The following GNAI3 variants were observed in gnomAD, a reference collection of about 807,000 sequenced individuals.
GNAI3 encodes G protein subunit alpha i3.
Under a neutral mutation model 41.8 loss-of-function variants are expected in GNAI3, and 12 were observed. The ratio of observed to expected loss-of-function variants is 0.29; its 90% CI spans 0.18 to 0.47. The LOEUF is 0.47. Ranked by LOEUF, GNAI3 falls within the 20% of genes least tolerant of loss-of-function variation. The pLI is 1.00. For synonymous variants in GNAI3, 132 were observed against 146.5 expected (o/e 0.90, Z 0.71); for missense variants, 360 against 429.6 (o/e 0.84, Z 1.43).
At chr1:109,590,483 A>G (rs1649145131) in intron 7 of GNAI3, among the ~76,000 whole-genome samples, 1 of 152,266 alleles carries the variant, frequency 6.6e-6, no homozygotes, top group East Asian at 1.9e-4. Flanking sequence ...TTTAATTTAC[A>G]GAGGTTGTTT....
chr1:109,578,470 CAA>C (rs35519193), intron 3 of GNAI3, among the ~76,000 whole-genome samples: 905 of 84,352 alleles, frequency 0.011, 6 homozygotes, highest in African/African-American at 0.033. Flanking sequence ...AACTCCGTCT[CAA>C]AAAAAAAAAA....
chr1:109,556,538 A>T (rs148863968), intron 1 of GNAI3, among the ~76,000 whole-genome samples: 114 of 152,304 alleles, frequency 7.5e-4, no homozygotes, highest in South Asian at 1.9e-3. Context: ...TGTTTTCTCT[A>T]CTTGAGATGG....
chr1:109,590,953 GC>G (rs1649157777), intron 7 of GNAI3, among the ~76,000 whole-genome samples: 1 of 152,100 alleles, frequency 6.6e-6, no homozygotes, highest in Non-Finnish European at 1.5e-5. Context: ...ACTGAAAATA[GC>G]CTGTAGTTTA....
chr1:109,571,417 C>T (rs905517157), intron 1 of GNAI3, among the ~76,000 whole-genome samples: 2 of 152,160 alleles, frequency 1.3e-5, no homozygotes, highest in Non-Finnish European at 2.9e-5. Context: ...TCAGTTCTGC[C>T]ACTTACTAAC....
intron 5 of GNAI3, 152 bp downstream of exon 5, chr1:109,582,717 T>C (rs1177671266): frequency 1.6e-5 from 8 of 507,676 alleles, no homozygotes; most frequent in African/African-American, 1.3e-4. Context: ...TTTAACTGAA[T>C]GGGGGCCCAA....
chr1:109,562,390 G>A (rs954200071), intron 1 of GNAI3, among the ~76,000 whole-genome samples: 9 of 152,104 alleles, frequency 5.9e-5, no homozygotes, highest in Admixed American at 3.3e-4. Flanking sequence ...GTATCCTAGG[G>A]GGGGTCCTGG....
At chr1:109,573,667 C>CAGGAAAA in intron 1 of GNAI3, 70 bp from the exon 2 acceptor site, 1 of 1,256,566 alleles carries the variant, frequency 8.0e-7, no homozygotes, top group Non-Finnish European at 1.2e-6. Flanking sequence ...CTAGAGTTAT[C>CAGGAAAA]ATTCATGTTG....
At chr1:109,560,926 A>G (rs778436725) in intron 1 of GNAI3, among the ~76,000 whole-genome samples, 4 of 152,196 alleles carry the variant, frequency 2.6e-5, no homozygotes, top group Non-Finnish European at 5.9e-5. Context: ...GGTTGTTTCA[A>G]AGTGACATAT....
chr1:109,597,056 A>G lies in GNAI3; in HGVS notation c.*4734A>G, dbSNP rs1183850016. ...TCCAAATCCAAAAATCTGAAATCCA[A>G]AATGCCCCAGTGTGTGCTTCCTTTG... On this transcript the variant is annotated 3_prime_UTR_variant, in exon 9 of 9. Transcript: ENST00000369851. The G allele has an allele frequency of 1.3e-5, 2 of 152,196 alleles. No homozygotes were observed. The highest frequency in any genetic ancestry group is 6.5e-5 in the Admixed American group (1 of 15,280). 9.4% of individuals were successfully genotyped at this position (152,196 alleles called of 1,614,324 possible). A position where few individuals can be genotyped will look rare whatever the true frequency, so the allele number is the denominator to read the frequency against.
At position 109,597,897 on chromosome 1, in the gene GNAI3, G is replaced by T. The variant is rs1251978588; in HGVS notation, c.*5575G>T. On this transcript the variant is annotated 3_prime_UTR_variant, in exon 9 of 9. Coordinates refer to ENST00000369851, the MANE Select transcript of GNAI3 (RefSeq NM_006496.4). Reference sequence around the variant, plus strand: ...AAGTCGTTTTGAAATGGGTACGGGGGTATATAAGGGGAATGATTGAGTCAC... The same window carrying T: ...AAGTCGTTTTGAAATGGGTACGGGGTTATATAAGGGGAATGATTGAGTCAC... The T allele has an allele frequency of 2.6e-5, 4 of 152,198 alleles. No individual in the cohort carries two copies. Among genetic ancestry groups the T allele is most frequent in the Non-Finnish European group, 5.9e-5 (4 of 68,036 alleles). 9.4% of individuals were successfully genotyped at this position (152,198 alleles called of 1,614,324 possible).
chr1:109,550,974 C>G (rs540654735), intron 1 of GNAI3, among the ~76,000 whole-genome samples: 7 of 152,330 alleles, frequency 4.6e-5, no homozygotes, highest in African/African-American at 1.4e-4. Context: ...TTGAGACTTT[C>G]TTCCAAAATG....
At chr1:109,549,360 T>G (rs561555762) in intron 1 of GNAI3, among the ~76,000 whole-genome samples, 1 of 152,214 alleles carries the variant, frequency 6.6e-6, no homozygotes, top group South Asian at 2.1e-4. Context: ...AAGAGAGCCA[T>G]TTGAACTGTT....
intron 1 of GNAI3, among the ~76,000 whole-genome samples, chr1:109,555,660 T>TA (rs955403473): frequency 2.0e-5 from 3 of 152,190 alleles, no homozygotes; most frequent in Non-Finnish European, 1.5e-5. Context: ...TACGTTTCTT[T>TA]AAAAAATAAT....
chr1:109,586,116 A>G, intron 5 of GNAI3, 100 bp from the exon 6 acceptor site: 1 of 885,520 alleles, frequency 1.1e-6, no homozygotes, highest in Non-Finnish European at 1.7e-6. Flanking sequence ...TTATAAATGA[A>G]GTTTTGAATA....
chr1:109,586,654 T>C (rs1021878870), intron 6 of GNAI3, 75 bp from the exon 7 acceptor site: 130 of 1,071,578 alleles, frequency 1.2e-4, no homozygotes, highest in Middle Eastern at 9.3e-4. Flanking sequence ...CAAAACTTGT[T>C]GGTTTGTCTT....
chr1:109,582,579 C>T lies in GNAI3; in HGVS notation c.590+14C>T, dbSNP rs573260668. 247 of 1,592,546 alleles carry T rather than the reference C, an allele frequency of 1.6e-4. 1 individual carries two copies. In the South Asian group the frequency reaches 2.6e-3, roughly 17 times the overall value. ...CCTATACTTCAAGTAAGTCATTAGC[C>T]TTTTTGCTAGGTGTGCCAAATACAA... On this transcript the variant is annotated intron_variant, in intron 5 of 8. Coordinates refer to ENST00000369851, the MANE Select transcript of GNAI3 (RefSeq NM_006496.4).
At chr1:109,578,419 G>A (rs1648807046) in intron 3 of GNAI3, among the ~76,000 whole-genome samples, 2 of 142,336 alleles carry the variant, frequency 1.4e-5, no homozygotes, top group African/African-American at 5.3e-5. Context: ...ACAAGGAGCC[G>A]AGATCACATC....
At chr1:109,577,571 G>A (rs1177348008) in intron 3 of GNAI3, among the ~76,000 whole-genome samples, 1 of 151,988 alleles carries the variant, frequency 6.6e-6, no homozygotes, top group African/African-American at 2.4e-5. Flanking sequence ...CACCATGCCC[G>A]ACCAGCTAAG....
At chr1:109,571,902 A>C (rs545839113) in intron 1 of GNAI3, among the ~76,000 whole-genome samples, 3 of 152,098 alleles carry the variant, frequency 2.0e-5, no homozygotes, top group Admixed American at 6.5e-5. Context: ...TGGGTGACAG[A>C]GCAAGAGTCT....
Sources: allele counts gnomAD v4.1 joint callset (sites outside exome capture counted in the v4.1 genomes callset), GRCh38; gene constraint gnomAD v4.1.1; transcripts MANE v1.5; gene names NCBI Gene and HGNC (gene_info 2026-07-23, HGNC 2026-07-21).